Variants in SCAPER observed in about 807,000 individuals in gnomAD.
SCAPER encodes the protein S phase cyclin A-associated protein in the endoplasmic reticulum.
In SCAPER, 98 loss-of-function variants were observed where a neutral mutation model predicts 182.2. The ratio of observed to expected loss-of-function variants is 0.54; its 90% CI spans 0.46 to 0.64. The LOEUF (loss-of-function observed/expected upper bound fraction) is 0.64. Ranked by LOEUF, SCAPER falls within the 30% of genes least tolerant of loss-of-function variation. The pLI, the probability that SCAPER is intolerant of heterozygous loss-of-function variation, is 0.00. For missense variants in SCAPER, 1,432 were observed against 1,690.0 expected, an observed-to-expected ratio of 0.85 and a Z score of 2.68; for synonymous variants, 605 against 564.6, an observed-to-expected ratio of 1.07 and a Z score of -1.01.
chr15:76,840,417 C>CAAAA (rs35131345), intron 5 of SCAPER, among the ~76,000 whole-genome samples: 1 of 103,230 alleles, frequency 9.7e-6, no homozygotes, highest in African/African-American at 3.7e-5. Flanking sequence ...AGACCTGCCT[C>CAAAA]AAAAAAAAAA....
In SCAPER at chr15:76,351,283, C is replaced by T. The variant is rs762712873; in HGVS notation, c.4053G>A (p.Leu1351=). The T allele has an allele frequency of 4.4e-6, 7 of 1,609,014 alleles. No individual in the cohort carries two copies. The East Asian group carries it at 1.3e-4, about 31-fold the overall frequency. ...CVLLATFIQD[L]AQTPGQAENQ... ...TTTCCGCTTGACCTGGAGTCTGTGC[C>T]AAATCCTGTATGAGGAGAGAAAAGT... Residue 1351 remains leucine, a synonymous_variant, in exon 31 of 32, where the codon TTG becomes TTA. Transcript: ENST00000563290.
At chr15:76,877,735 T>G (rs2073267234) in intron 2 of SCAPER, among the ~76,000 whole-genome samples, 1 of 152,014 alleles carries the variant, frequency 6.6e-6, no homozygotes, top group Admixed American at 6.6e-5. Flanking sequence ...AATGGCAAAG[T>G]CAAGAAAGAG....
At chr15:76,641,584 G>A (rs544034769) in intron 21 of SCAPER, among the ~76,000 whole-genome samples, 5 of 152,132 alleles carry the variant, frequency 3.3e-5, no homozygotes, top group Admixed American at 6.6e-5. Context: ...GCCAGATCCC[G>A]CAATACCAAA....
At chr15:76,668,421 G>C (rs748701948) in intron 20 of SCAPER, among the ~76,000 whole-genome samples, 1 of 152,020 alleles carries the variant, frequency 6.6e-6, no homozygotes, top group African/African-American at 2.4e-5. Context: ...GACCTACAAG[G>C]CTGAGTCATT....
chr15:76,511,377 C>T (rs2144027752), intron 23 of SCAPER, among the ~76,000 whole-genome samples: 1 of 152,294 alleles, frequency 6.6e-6, no homozygotes, highest in African/African-American at 2.4e-5. Flanking sequence ...TAACAGTGGC[C>T]TGGCAATGGC....
At chr15:76,896,246 T>C (rs550036566) in intron 1 of SCAPER, among the ~76,000 whole-genome samples, 1 of 151,950 alleles carries the variant, frequency 6.6e-6, no homozygotes, top group South Asian at 2.1e-4. Flanking sequence ...GGTGTGTACC[T>C]GTAGTCCCAG....
intron 18 of SCAPER, among the ~76,000 whole-genome samples, chr15:76,704,745 A>T (rs2147305022): frequency 6.6e-6 from 1 of 152,364 alleles, no homozygotes; most frequent in Admixed American, 6.5e-5. Flanking sequence ...GGATATGAAC[A>T]GACCCTTCTC....
chr15:76,449,705 C>A (rs1334189563), intron 25 of SCAPER, among the ~76,000 whole-genome samples: 1 of 152,216 alleles, frequency 6.6e-6, no homozygotes, highest in African/African-American at 2.4e-5. Flanking sequence ...ACGCCTCTTG[C>A]ACCAGCACTT....
intron 22 of SCAPER, among the ~76,000 whole-genome samples, chr15:76,584,450 G>A (rs1464728624): frequency 6.7e-6 from 1 of 150,156 alleles, no homozygotes; most frequent in Admixed American, 6.6e-5. Flanking sequence ...AATGCTTCAG[G>A]TGGTGGACAT....
chr15:76,546,758 C>T (rs1321758426), intron 23 of SCAPER, among the ~76,000 whole-genome samples: 2 of 152,042 alleles, frequency 1.3e-5, no homozygotes, highest in Admixed American at 6.6e-5. Context: ...AAGTAGACTT[C>T]TAGAACTTAA....
At chr15:76,640,998 G>A (rs997023204) in intron 21 of SCAPER, among the ~76,000 whole-genome samples, 1 of 152,148 alleles carries the variant, frequency 6.6e-6, no homozygotes, top group African/African-American at 2.4e-5. Context: ...ACGGAAGCAT[G>A]AGGGGCGCCT....
At chr15:76,431,676 C>CAAAAAAAGAAAAAAAAAAAAAAAAAA (rs2046869597) in intron 26 of SCAPER, among the ~76,000 whole-genome samples, 1 of 47,128 alleles carries the variant, frequency 2.1e-5, no homozygotes, top group Non-Finnish European at 3.5e-5. Flanking sequence ...AAATGATTAG[C>CAAAAAAAGAAAAAAAAAAAAAAAAAA]AAAAAAAAAA....
chr15:76,379,430 T>C (rs1163635229), intron 28 of SCAPER, among the ~76,000 whole-genome samples: 1 of 152,176 alleles, frequency 6.6e-6, no homozygotes, highest in Non-Finnish European at 1.5e-5. Flanking sequence ...CATTTGATTT[T>C]GAGAATAATT....
At chr15:76,383,409 C>G (rs1053757705) in intron 27 of SCAPER, among the ~76,000 whole-genome samples, 1 of 152,146 alleles carries the variant, frequency 6.6e-6, no homozygotes, top group African/African-American at 2.4e-5. Flanking sequence ...TTCATAACCA[C>G]GGTACACATT....
chr15:76,691,737 A>AAC (rs1167784126), intron 20 of SCAPER, among the ~76,000 whole-genome samples: 1 of 152,156 alleles, frequency 6.6e-6, no homozygotes, highest in East Asian at 1.9e-4. Context: ...GGGTACAAAG[A>AAC]AATTTGTTCT....
chr15:76,702,038 G>A (rs2058981251), intron 19 of SCAPER, among the ~76,000 whole-genome samples, 173 bp from the exon 20 acceptor site: 1 of 151,808 alleles, frequency 6.6e-6, no homozygotes, highest in Non-Finnish European at 1.5e-5. Flanking sequence ...GAAGGCAAAT[G>A]GTTAAAAAAA....
chr15:76,593,073 T>C lies in SCAPER; in HGVS notation c.2712-18789A>G, dbSNP rs1286084572. ...GGCCAGCAAGCTAATATCCACTGGC[T>C]TGAAATTCTTGCTGCCAGCACAGCA... On this transcript the variant is annotated intron_variant, in intron 22 of 31. Coordinates refer to ENST00000563290, the MANE Select transcript of SCAPER (RefSeq NM_020843.4). Among the ~76,000 whole-genome samples, 16 of 120,660 alleles carry C rather than the reference T, an allele frequency of 1.3e-4. 5 individuals carry two copies. Among genetic ancestry groups the C allele is most frequent in the Admixed American group, 5.7e-4 (6 of 10,612 alleles). The allele number at this position is 120,660 out of a possible 152,430, so 79.2% of individuals were successfully genotyped here.
intron 22 of SCAPER, among the ~76,000 whole-genome samples, chr15:76,598,216 T>G (rs1373589953): frequency 8.2e-6 from 1 of 121,710 alleles, no homozygotes; most frequent in East Asian, 2.2e-4. Flanking sequence ...TCATCAATGG[T>G]CATTAAAGAA....
chr15:76,558,393 T>G (rs1350020719), intron 23 of SCAPER, among the ~76,000 whole-genome samples: 2 of 152,126 alleles, frequency 1.3e-5, no homozygotes, highest in Non-Finnish European at 2.9e-5. Context: ...TGAAAAATGC[T>G]CAACACCACT....
Sources: allele counts gnomAD v4.1 joint callset (sites outside exome capture counted in the v4.1 genomes callset), GRCh38; gene constraint gnomAD v4.1.1; transcripts MANE v1.5; gene names NCBI Gene and HGNC (gene_info 2026-07-23, HGNC 2026-07-21).